AMBRA1: variants seen among roughly 807,000 people sequenced by gnomAD.
AMBRA1 encodes the protein autophagy and beclin 1 regulator 1.
Under a neutral mutation model 125.4 loss-of-function variants are expected in AMBRA1, and 47 were observed. The observed-to-expected ratio is 0.37, with a 90% CI of 0.30 to 0.48. AMBRA1 has a LOEUF of 0.48. Ranked by LOEUF, AMBRA1 falls within the 20% of genes least tolerant of loss-of-function variation. The pLI is 0.99. For missense variants in AMBRA1, 1,331 were observed against 1,693.4 expected (o/e 0.79, Z 3.76); for synonymous variants, 626 against 655.5 (o/e 0.95, Z 0.69).
chr11:46,501,752 AT>A (rs1228493097), intron 9 of AMBRA1, among the ~76,000 whole-genome samples: 2 of 152,196 alleles, frequency 1.3e-5, no homozygotes, highest in Non-Finnish European at 2.9e-5. Flanking sequence ...AACAGCTCAC[AT>A]TTATTTCAAT....
chr11:46,453,379 C>A (rs999264297), intron 11 of AMBRA1, among the ~76,000 whole-genome samples: 3 of 152,076 alleles, frequency 2.0e-5, no homozygotes, highest in Non-Finnish European at 4.4e-5. Flanking sequence ...AATCCACCCA[C>A]CTCAGCATCC....
chr11:46,477,793 A>G (rs539352226), intron 11 of AMBRA1, among the ~76,000 whole-genome samples: 1 of 151,968 alleles, frequency 6.6e-6, no homozygotes, highest in African/African-American at 2.4e-5. Flanking sequence ...TTGATTGGTG[A>G]GGCCAGGCAT....
intron 14 of AMBRA1, among the ~76,000 whole-genome samples, chr11:46,422,747 G>A (rs894521584): frequency 2.0e-5 from 3 of 151,902 alleles, no homozygotes; most frequent in Non-Finnish European, 4.4e-5. Context: ...GTTCAGATCA[G>A]CCCGGATAAG....
At chr11:46,576,626 T>A (rs770202849) in intron 1 of AMBRA1, among the ~76,000 whole-genome samples, 2 of 152,220 alleles carry the variant, frequency 1.3e-5, no homozygotes, top group Non-Finnish European at 2.9e-5. Flanking sequence ...AAGTTCTTTC[T>A]AACATGTAAT....
chr11:46,466,237 C>A (rs1395732306), intron 11 of AMBRA1, among the ~76,000 whole-genome samples: 2 of 152,044 alleles, frequency 1.3e-5, no homozygotes, highest in Non-Finnish European at 2.9e-5. Context: ...GTCCCAGCTA[C>A]TTGGGAGGCT....
At chr11:46,588,775 C>CA (rs201030293) in intron 1 of AMBRA1, among the ~76,000 whole-genome samples, 1,416 of 97,896 alleles carry the variant, frequency 0.014, 25 homozygotes, top group African/African-American at 0.04. Context: ...AACTCCATCT[C>CA]AAAAAAAAAA....
intron 9 of AMBRA1, among the ~76,000 whole-genome samples, chr11:46,503,293 A>T (rs755985471): frequency 4.6e-5 from 7 of 152,112 alleles, no homozygotes; most frequent in African/African-American, 7.2e-5. Flanking sequence ...ATTGCTGTGT[A>T]TCAGGGAATA....
Position 46,544,004 on chromosome 11 carries a change from T to A in AMBRA1, c.589A>T (p.Thr197Ser). The change falls in exon 6 of 18, where the codon ACA becomes TCA. Residue 197 changes from threonine (T) to serine (S), a missense_variant. Transcript: ENST00000683756. The part of the protein sequence containing the change: ...RFDPLGHYLL[T>S]AIVNPSNQQG... The stretch of plus-strand genomic sequence containing the variant: ...TGATTAGAGGGGTTAACAATTGCTG[T>A]GAGTAAGTAGTGTCCAAGTGGATCA... The A allele has an allele frequency of 2.5e-6, 4 of 1,614,018 alleles. No homozygotes were observed. The highest frequency in any genetic ancestry group is 3.4e-6 in the Non-Finnish European group (4 of 1,179,932).
chr11:46,400,604 C>T (rs2136580989), intron 17 of AMBRA1, among the ~76,000 whole-genome samples: 1 of 150,000 alleles, frequency 6.7e-6, no homozygotes, highest in Non-Finnish European at 1.5e-5. Flanking sequence ...GATCCACCCA[C>T]CTCAGCCTCC....
Position 46,477,628 on chromosome 11 carries a change from C to T in AMBRA1, c.2521+15980G>A, listed in dbSNP as rs182464262. ...GGGATTACAGGCTTGAGCCACTGTGCCCAGCCTCTTTGAGGACACGTCTTT... is the reference window on the plus strand; with the variant it reads ...GGGATTACAGGCTTGAGCCACTGTGTCCAGCCTCTTTGAGGACACGTCTTT... On this transcript the variant is annotated intron_variant, in intron 11 of 17. Coordinates refer to ENST00000683756, the MANE Select transcript of AMBRA1 (RefSeq NM_001387011.1). 7.4e-3 allele frequency among the ~76,000 whole-genome samples: 1,119 copies of T among 152,094 alleles called. 8 individuals are homozygous for T. Among genetic ancestry groups the T allele is most frequent in the Non-Finnish European group, 0.013 (856 of 67,992 alleles).
At chr11:46,518,890 G>A (rs1248142862) in intron 7 of AMBRA1, among the ~76,000 whole-genome samples, 1 of 152,108 alleles carries the variant, frequency 6.6e-6, no homozygotes, top group East Asian at 1.9e-4. Flanking sequence ...TGAGTTATGT[G>A]CAAAGAAGTT....
chr11:46,483,196 A>C (rs976124163), intron 11 of AMBRA1, among the ~76,000 whole-genome samples: 5 of 152,028 alleles, frequency 3.3e-5, no homozygotes, highest in African/African-American at 1.2e-4. Flanking sequence ...ATAACATGAG[A>C]GACTATCTTC....
intron 11 of AMBRA1, among the ~76,000 whole-genome samples, chr11:46,474,294 A>G (rs1306447253): frequency 6.6e-6 from 1 of 152,228 alleles, no homozygotes; most frequent in Non-Finnish European, 1.5e-5. Context: ...TTTCAAATGA[A>G]TAAGGGAATA....
intron 7 of AMBRA1, among the ~76,000 whole-genome samples, chr11:46,529,616 A>G (rs1952125461): frequency 6.6e-6 from 1 of 152,260 alleles, no homozygotes. Context: ...TCAGCCTAGC[A>G]TAGACTAAGG....
rs144877229 is a variant in AMBRA1, at chr11:46,567,077, T to C, written c.-120-18577A>G. 1.5e-3 allele frequency among the ~76,000 whole-genome samples: 231 copies of C among 152,078 alleles called. 1 individual carries two copies. Among genetic ancestry groups the C allele is most frequent in the African/African-American group, 5.2e-3 (216 of 41,410 alleles). On this transcript the variant is annotated intron_variant, in intron 1 of 17. Transcript: ENST00000683756. Reference sequence around the variant, plus strand: ...GCATATTAAGTAGTGTTTGTTTGTTTGTTTGTTTGTTTGAGACAGAGTCTT... The same window carrying C: ...GCATATTAAGTAGTGTTTGTTTGTTCGTTTGTTTGTTTGAGACAGAGTCTT...
At chr11:46,521,858 A>T (rs1951773377) in intron 7 of AMBRA1, among the ~76,000 whole-genome samples, 1 of 152,254 alleles carries the variant, frequency 6.6e-6, no homozygotes, top group Admixed American at 6.5e-5. Flanking sequence ...ACCTCAGGAA[A>T]AAAATAGACA....
At chr11:46,468,203 G>C (rs944810368) in intron 11 of AMBRA1, among the ~76,000 whole-genome samples, 6 of 152,132 alleles carry the variant, frequency 3.9e-5, no homozygotes, top group African/African-American at 1.4e-4. Flanking sequence ...TATGCAGCAA[G>C]CAGTGCGTGG....
intron 1 of AMBRA1, among the ~76,000 whole-genome samples, chr11:46,566,496 C>T (rs1423248442): frequency 6.6e-6 from 1 of 151,754 alleles, no homozygotes; most frequent in East Asian, 1.9e-4. Context: ...GTGAAAAAGG[C>T]CAATCCAAAT....
At chr11:46,483,265 T>C (rs1950142785) in intron 11 of AMBRA1, among the ~76,000 whole-genome samples, 1 of 152,074 alleles carries the variant, frequency 6.6e-6, no homozygotes, top group African/African-American at 2.4e-5. Flanking sequence ...ACTCAACAGC[T>C]ACCCAAAAGA....
Sources: gnomAD v4.1 joint callset for allele counts (sites outside exome capture counted in the v4.1 genomes callset) on GRCh38, gnomAD v4.1.1 for gene constraint, MANE v1.5 for transcripts, NCBI Gene and HGNC (gene_info 2026-07-23, HGNC 2026-07-21) for gene names.